MRFAP1: variants seen among roughly 807,000 people sequenced by gnomAD.
MRFAP1 encodes MORF4 family-associated protein 1.
MRFAP1 carries 1 observed loss-of-function variant against 9.3 expected under a neutral mutation model. The ratio of observed to expected loss-of-function variants is 0.11; its 90% CI spans 0.04 to 0.51. The LOEUF is 0.51. MRFAP1 is among the 20% of genes least tolerant of loss of function. The pLI is 0.94. For missense variants in MRFAP1, 180 were observed against 178.6 expected (o/e 1.01, Z -0.04); for synonymous variants, 101 against 80.3 (o/e 1.26, Z -1.38).
rs777241090 is a variant in MRFAP1 at position 6,640,898 on chromosome 4, G to C, written c.36G>C (p.Pro12=). The change falls in exon 1 of 2, where the codon CCG becomes CCC. Residue 12 remains proline (P), a synonymous_variant. Transcript: ENST00000382581. The part of the protein sequence containing the change: ...RPLDIVELAE[P]EEVEVLEPEE... The stretch of plus-strand genomic sequence containing the variant: ...TGGACATCGTCGAGCTGGCGGAACC[G>C]GAGGAAGTGGAGGTGCTGGAGCCCG... 9.3e-6 allele frequency: 15 copies of C among 1,611,974 alleles called. No homozygotes were observed. Among genetic ancestry groups the C allele is most frequent in the Non-Finnish European group, 1.3e-5 (15 of 1,178,314 alleles).
In MRFAP1 at chr4:6,640,988, G is replaced by T. The variant is rs1179026333; in HGVS notation, c.126G>T (p.Leu42=). The T allele has an allele frequency of 1.1e-5, 18 of 1,614,172 alleles. No individual in the cohort carries two copies. The South Asian group carries it at 1.6e-4, about 15-fold the overall frequency. ...INEMREDIAS[L]TREHGRAYLR... ...AGATGCGCGAGGACATCGCGTCGCT[G>T]ACGCGCGAGCACGGGCGGGCGTACC... is the stretch of plus-strand genomic sequence containing the variant. The change falls in exon 1 of 2, where the codon CTG becomes CTT. Residue 42 remains leucine, a synonymous_variant. Coordinates refer to ENST00000382581, the MANE Select transcript of MRFAP1 (RefSeq NM_033296.3).
rs751330348 is a variant in MRFAP1 at position 6,641,885 on chromosome 4, A to T, written c.*168A>T. The T allele has an allele frequency of 1.3e-5, 2 of 152,702 alleles. No homozygotes were observed. The highest frequency in any genetic ancestry group is 6.5e-5 in the Admixed American group (1 of 15,282). The allele number at this position is 152,702 out of a possible 1,614,324, so 9.5% of individuals were successfully genotyped here. A position where few individuals can be genotyped will look rare whatever the true frequency, so the allele number is the denominator to read the frequency against. On this transcript the variant is annotated 3_prime_UTR_variant, in exon 2 of 2. Transcript: ENST00000382581. ...CTATGGTCTGTGGTTGATGACCTCA[A>T]TATGAGTTTCGATTGTTAACGTGTT... is the stretch of plus-strand genomic sequence containing the variant.
At chr4:6,641,356 G>A (rs1253021515) in intron 1 of MRFAP1, 98 bp downstream of exon 1, 2 of 1,456,360 alleles carry the variant, frequency 1.4e-6, no homozygotes, top group Non-Finnish European at 1.8e-6. Context: ...CGGGGGTGGG[G>A]CGGGAGAATA....
rs1712816182 is a variant in MRFAP1 at position 6,641,317 on chromosome 4, G to A, written c.*12+59G>A. ...GCCCCAGCTTGGCCGCTCTTCGAGA[G>A]CGATGATTTCATCGAGATGCACCGG... On this transcript the variant is annotated intron_variant, in intron 1 of 1. Coordinates refer to ENST00000382581, the MANE Select transcript of MRFAP1 (RefSeq NM_033296.3). The A allele has an allele frequency of 7.9e-6, 12 of 1,515,234 alleles. No homozygotes were observed. The Middle Eastern group carries it at 7.2e-4, about 91-fold the overall frequency. 93.9% of individuals were successfully genotyped at this position (1,515,234 alleles called of 1,614,324 possible). A position where few individuals can be genotyped will look rare whatever the true frequency, so the allele number is the denominator to read the frequency against.
In MRFAP1 at chr4:6,640,723, C is replaced by A. The variant is rs1281171276; in HGVS notation, c.-140C>A. On this transcript the variant is annotated 5_prime_UTR_variant, in exon 1 of 2. Coordinates refer to ENST00000382581, the MANE Select transcript of MRFAP1 (RefSeq NM_033296.3). ...TTACTCTGCGCGTAAGTCGCTTGTC[C>A]GTGGCTTCTCTGAGAAGAAAAGTTG... 1.8e-6 allele frequency: 2 copies of A among 1,137,246 alleles called. No homozygotes were observed. The highest frequency in any genetic ancestry group is 1.5e-5 in the South Asian group (1 of 64,576). The allele number at this position is 1,137,246 out of a possible 1,614,324, so 70.4% of individuals were successfully genotyped here.
chr4:6,641,506 A>G lies in MRFAP1; in HGVS notation c.*13-224A>G, dbSNP rs1396006752. ...AAGGGTCATAAATCTCAGAGTCGCC[A>G]AGGAAACAGAAACGGACAAGGTCCC... On this transcript the variant is annotated intron_variant, in intron 1 of 1. Coordinates refer to ENST00000382581, the MANE Select transcript of MRFAP1 (RefSeq NM_033296.3). 8 of 462,260 alleles carry G rather than the reference A, an allele frequency of 1.7e-5. No individual in the cohort carries two copies. In the South Asian group the frequency reaches 2.7e-4, roughly 16 times the overall value. The allele number at this position is 462,260 out of a possible 1,614,324, so 28.6% of individuals were successfully genotyped here.
Position 6,640,919 on chromosome 4 carries a change from G to C in MRFAP1, c.57G>C (p.Glu19Asp). ...LAEPEEVEVL[E>D]PEEDFEQFLL... ...AACCGGAGGAAGTGGAGGTGCTGGA[G>C]CCCGAGGAGGATTTCGAGCAGTTTC... Residue 19 changes from glutamate to aspartate, a missense_variant, in exon 1 of 2, where the codon GAG becomes GAC. Coordinates refer to ENST00000382581, the MANE Select transcript of MRFAP1 (RefSeq NM_033296.3). The C allele has an allele frequency of 6.2e-7, 1 of 1,613,736 alleles. No homozygotes were observed.
Position 6,642,600 on chromosome 4 carries a change from A to G in MRFAP1, c.*883A>G, listed in dbSNP as rs7660424. On this transcript the variant is annotated 3_prime_UTR_variant, in exon 2 of 2. Coordinates refer to ENST00000382581, the MANE Select transcript of MRFAP1 (RefSeq NM_033296.3). ...AACTGGACTAGAAGAGGCATCTTCA[A>G]GGTTCATACGTTGTCCAGCTGTAAG... 0.097 allele frequency: 14,823 copies of G among 152,660 alleles called. 1,270 individuals carry two copies. The highest frequency in any genetic ancestry group is 0.23 in the African/African-American group (9,634 of 41,522). The allele number at this position is 152,660 out of a possible 1,614,324, so 9.5% of individuals were successfully genotyped here. A position where few individuals can be genotyped will look rare whatever the true frequency, so the allele number is the denominator to read the frequency against.
chr4:6,642,164 A>G lies in MRFAP1; in HGVS notation c.*447A>G, dbSNP rs994053966. 1 of 152,518 alleles carries G rather than the reference A, an allele frequency of 6.6e-6. No individual in the cohort carries two copies. The highest frequency in any genetic ancestry group is 2.4e-5 in the African/African-American group (1 of 41,394). The allele number at this position is 152,518 out of a possible 1,614,324, so 9.4% of individuals were successfully genotyped here. On this transcript the variant is annotated 3_prime_UTR_variant, in exon 2 of 2. Coordinates refer to ENST00000382581, the MANE Select transcript of MRFAP1 (RefSeq NM_033296.3). ...GGAGCTGCATTAATTCTGGAAGACG[A>G]CTCCATGCAGCAACTACTGAAGAAA...
chr4:6,640,829 C>A lies in MRFAP1; in HGVS notation c.-34C>A. 6.3e-7 allele frequency: 1 copy of A among 1,579,290 alleles called. No homozygotes were observed. Among genetic ancestry groups the A allele is most frequent in the Admixed American group, 1.7e-5 (1 of 58,266 alleles). On this transcript the variant is annotated 5_prime_UTR_variant, in exon 1 of 2. Transcript: ENST00000382581. ...GTGTCGGTTTTCTCTCTCCAACAGA[C>A]ATCGCTATTGCGGTTCCGAGGCAGT...
rs564006463 is a variant in MRFAP1 at position 6,640,720 on chromosome 4, G to C, written c.-143G>C. ...CCGTTACTCTGCGCGTAAGTCGCTT[G>C]TCCGTGGCTTCTCTGAGAAGAAAAG... On this transcript the variant is annotated 5_prime_UTR_variant, in exon 1 of 2. Transcript: ENST00000382581. The C allele has an allele frequency of 4.2e-4, 467 of 1,111,486 alleles. 1 individual carries two copies. Among genetic ancestry groups the C allele is most frequent in the Non-Finnish European group, 5.4e-4 (418 of 780,276 alleles). 68.9% of individuals were successfully genotyped at this position (1,111,486 alleles called of 1,614,324 possible).
Position 6,642,598 on chromosome 4 carries a change from CA to C in MRFAP1, c.*883del, listed in dbSNP as rs1270685188. On this transcript the variant is annotated 3_prime_UTR_variant, in exon 2 of 2. Transcript: ENST00000382581. Reference sequence around the variant, plus strand: ...TAAACTGGACTAGAAGAGGCATCTTCAAGGTTCATACGTTGTCCAGCTGTAA... The same window carrying C: ...TAAACTGGACTAGAAGAGGCATCTTCAGGTTCATACGTTGTCCAGCTGTAA... The C allele has an allele frequency of 6.6e-6, 1 of 152,602 alleles. No individual in the cohort carries two copies. Among genetic ancestry groups the C allele is most frequent in the African/African-American group, 2.4e-5 (1 of 41,446 alleles). 9.5% of individuals were successfully genotyped at this position (152,602 alleles called of 1,614,324 possible).
chr4:6,641,063 C>T lies in MRFAP1; in HGVS notation c.201C>T (p.Ile67=). 1 of 1,614,142 alleles carries T rather than the reference C, an allele frequency of 6.2e-7. No individual in the cohort carries two copies. The highest frequency in any genetic ancestry group is 8.5e-7 in the Non-Finnish European group (1 of 1,179,940). ...LWEMDNMLIQ[I]KTQVEASEES... ...AGATGGACAATATGCTCATCCAGAT[C>T]AAAACGCAGGTGGAGGCCTCGGAGG... Residue 67 remains isoleucine, a synonymous_variant, in exon 1 of 2, where the codon ATC becomes ATT. Coordinates refer to ENST00000382581, the MANE Select transcript of MRFAP1 (RefSeq NM_033296.3).
Position 6,642,245 on chromosome 4 carries a change from C to G in MRFAP1, c.*528C>G, listed in dbSNP as rs1454646750. 6.6e-6 allele frequency: 1 copy of G among 152,664 alleles called. No homozygotes were observed. 9.5% of individuals were successfully genotyped at this position (152,664 alleles called of 1,614,324 possible). On this transcript the variant is annotated 3_prime_UTR_variant, in exon 2 of 2. Transcript: ENST00000382581. ...GCCGACCTGGCTGGGACTCGTGAAT[C>G]TGGAGAAGAGCTGGAGAATGGATAG...
Position 6,640,810 on chromosome 4 carries a change from G to T in MRFAP1, c.-53G>T, listed in dbSNP as rs113938573. The T allele has an allele frequency of 8.4e-4, 1,305 of 1,554,606 alleles. 15 individuals carry two copies. In the African/African-American group the frequency reaches 0.013, roughly 16 times the overall value. Reference sequence around the variant, plus strand: ...CTATTGCTAAGCATAGCGAGTGTCGGTTTTCTCTCTCCAACAGACATCGCT... The same window carrying T: ...CTATTGCTAAGCATAGCGAGTGTCGTTTTTCTCTCTCCAACAGACATCGCT... On this transcript the variant is annotated 5_prime_UTR_variant, in exon 1 of 2. Coordinates refer to ENST00000382581, the MANE Select transcript of MRFAP1 (RefSeq NM_033296.3).
At position 6,641,198 on chromosome 4, in the gene MRFAP1, G is replaced by A. The variant is rs1282668796; in HGVS notation, c.336G>A (p.Glu112=). The change falls in exon 1 of 2, where the codon GAG becomes GAA. Residue 112 remains glutamate, a synonymous_variant. Coordinates refer to ENST00000382581, the MANE Select transcript of MRFAP1 (RefSeq NM_033296.3). ...EKAKEIAKMA[E]MLVELVRRIE... ...CCAAGGAGATTGCGAAGATGGCAGA[G>A]ATGCTGGTGGAGCTGGTCCGGCGGA... The A allele has an allele frequency of 1.2e-6, 2 of 1,609,790 alleles. No individual in the cohort carries two copies. Among genetic ancestry groups the A allele is most frequent in the Non-Finnish European group, 1.7e-6 (2 of 1,176,912 alleles).
chr4:6,640,740 G>C lies in MRFAP1; in HGVS notation c.-123G>C. ...CGCTTGTCCGTGGCTTCTCTGAGAA[G>C]AAAAGTTGAAAAAGGGTAAAAGTTT... is the stretch of plus-strand genomic sequence containing the variant. On this transcript the variant is annotated 5_prime_UTR_variant, in exon 1 of 2. Transcript: ENST00000382581. The C allele has an allele frequency of 7.6e-7, 1 of 1,321,398 alleles. No individual in the cohort carries two copies. Among genetic ancestry groups the C allele is most frequent in the Non-Finnish European group, 1.0e-6 (1 of 964,810 alleles). The allele number at this position is 1,321,398 out of a possible 1,614,324, so 81.9% of individuals were successfully genotyped here. A position where few individuals can be genotyped will look rare whatever the true frequency, so the allele number is the denominator to read the frequency against.
In MRFAP1 at chr4:6,642,068, C is replaced by T. The variant is rs1302956955; in HGVS notation, c.*351C>T. 9 of 152,554 alleles carry T rather than the reference C, an allele frequency of 5.9e-5. No individual in the cohort carries two copies. The highest frequency in any genetic ancestry group is 1.2e-4 in the Non-Finnish European group (8 of 68,050). 9.5% of individuals were successfully genotyped at this position (152,554 alleles called of 1,614,324 possible). A position where few individuals can be genotyped will look rare whatever the true frequency, so the allele number is the denominator to read the frequency against. ...TATTTCTTGTGTGACCTGATAGCTCCCTGGAACTTTGGGTCTGTGTGTGAC... is the reference window on the plus strand; with the variant it reads ...TATTTCTTGTGTGACCTGATAGCTCTCTGGAACTTTGGGTCTGTGTGTGAC... On this transcript the variant is annotated 3_prime_UTR_variant, in exon 2 of 2. Coordinates refer to ENST00000382581, the MANE Select transcript of MRFAP1 (RefSeq NM_033296.3).
chr4:6,641,396 G>A (rs1006430310), intron 1 of MRFAP1, 138 bp downstream of exon 1: 17 of 1,118,476 alleles, frequency 1.5e-5, no homozygotes, highest in Non-Finnish European at 2.1e-5. Context: ...GCCGATCTGG[G>A]CCCCGTCTTC....
Sources: allele counts gnomAD v4.1 joint callset, GRCh38; gene constraint gnomAD v4.1.1; transcripts MANE v1.5; gene names NCBI Gene and HGNC (gene_info 2026-07-23, HGNC 2026-07-21).